Variants in NLRC3 observed in about 807,000 individuals in gnomAD.
NLRC3 encodes the protein NLR family CARD domain containing 3, also known as NLR family CARD domain-containing protein 3.
A neutral mutation model predicts 91.6 loss-of-function variants in NLRC3; 87 were observed. The ratio of observed to expected loss-of-function variants is 0.95; its 90% CI spans 0.80 to 1.14. The LOEUF is 1.14. NLRC3 is among the 50% of genes most tolerant of loss of function. The probability of loss-of-function intolerance (pLI) is 0.00; values close to 1 mark genes in which losing one functional copy is unlikely to be tolerated. For synonymous variants in NLRC3, 694 were observed against 625.3 expected (o/e 1.11, Z -1.64); for missense variants, 1,577 against 1,418.6 (o/e 1.11, Z -1.79).
intron 9 of NLRC3, 75 bp from the exon 10 acceptor site, chr16:3,552,354 A>G: frequency 2.9e-6 from 3 of 1,030,804 alleles, no homozygotes; most frequent in Non-Finnish European, 4.6e-6. Flanking sequence ...GTTCAGGTTC[A>G]AGGTCAGGGA....
At chr16:3,566,072 T>C (rs897783278) in intron 2 of NLRC3, among the ~76,000 whole-genome samples, 2 of 115,348 alleles carry the variant, frequency 1.7e-5, no homozygotes, top group Admixed American at 1.0e-4. Context: ...AAAACTTAAC[T>C]CTTCTTGCTC....
chr16:3,558,734 CA>C (rs2039471177), intron 6 of NLRC3, among the ~76,000 whole-genome samples: 1 of 152,102 alleles, frequency 6.6e-6, no homozygotes, highest in African/African-American at 2.4e-5. Context: ...CATTCAGCCC[CA>C]TGGGATATAG....
At chr16:3,554,756 C>G (rs1393664424) in intron 8 of NLRC3, among the ~76,000 whole-genome samples, 1 of 152,188 alleles carries the variant, frequency 6.6e-6, no homozygotes, top group Non-Finnish European at 1.5e-5. Flanking sequence ...CCCAGCAATT[C>G]CATTCCTAGG....
chr16:3,540,331 C>A lies in NLRC3; in HGVS notation c.*1494G>T, dbSNP rs985225749. 1.3e-5 allele frequency: 2 copies of A among 152,296 alleles called. No homozygotes were observed. The highest frequency in any genetic ancestry group is 3.9e-4 in the East Asian group (2 of 5,186). 9.4% of individuals were successfully genotyped at this position (152,296 alleles called of 1,614,324 possible). ...CTTTCCAATTCAAAAGTAATCATTG[C>A]TTTATAGTCTTCATAAATATTTTCT... On this transcript the variant is annotated 3_prime_UTR_variant, in exon 20 of 20. Transcript: ENST00000359128.
chr16:3,542,390 G>T, intron 18 of NLRC3, 116 bp from the exon 19 acceptor site: 1 of 717,958 alleles, frequency 1.4e-6, no homozygotes, highest in South Asian at 1.6e-5. Context: ...GTCCACAGGT[G>T]CCATGGCAAC....
Position 3,564,270 on chromosome 16 carries a change from C to T in NLRC3, c.667G>A (p.Glu223Lys). ...RALLILDGLD[E>K]CRTPLDFSNT... ...GAGAAGTCCAGAGGCGTCCTGCACT[C>T]ATCCAAGCCGTCCAGGATCAGGAGG... Residue 223 changes from glutamate (E) to lysine (K), a missense_variant, in exon 5 of 20, where the codon GAG (glutamate) becomes AAG (lysine). Transcript: ENST00000359128. This position sits in a 1 kb window ranked among gnomAD's most constrained non-coding sequence, Gnocchi z 5.9. The T allele has an allele frequency of 6.2e-7, 1 of 1,612,270 alleles. No homozygotes were observed. The highest frequency in any genetic ancestry group is 2.2e-5 in the East Asian group (1 of 44,856).
Position 3,564,158 on chromosome 16 carries a change from TC to T in NLRC3, c.778del (p.Glu260LysfsTer24). 1 of 1,613,660 alleles carries T rather than the reference TC, an allele frequency of 6.2e-7. No individual in the cohort carries two copies. Among genetic ancestry groups the T allele is most frequent in the East Asian group, 2.2e-5 (1 of 44,878 alleles). On this transcript the variant is annotated frameshift_variant, in exon 5 of 20. Transcript: ENST00000359128. LOFTEE classifies it high-confidence loss of function. This position sits in a 1 kb window ranked among gnomAD's most constrained non-coding sequence, Gnocchi z 5.9. ...ACGGGAGGTGATCCAGATGGAAACT[TC>T]CGGAAAGAGGTTGCCACGGATGATG... The part of the protein sequence containing the change: ...TNIIRGNLFP[E>X]VSIWITSRPS...
At position 3,563,223 on chromosome 16, in the gene NLRC3, G is replaced by T; in HGVS notation, c.1714C>A (p.His572Asn). The T allele has an allele frequency of 6.2e-7, 1 of 1,602,896 alleles. No homozygotes were observed. Among genetic ancestry groups the T allele is most frequent in the Middle Eastern group, 1.7e-4 (1 of 5,732 alleles). Residue 572 changes from histidine to asparagine, a missense_variant, in exon 5 of 20, where the codon CAT becomes AAT. Coordinates refer to ENST00000359128, the MANE Select transcript of NLRC3 (RefSeq NM_178844.4). The stretch of plus-strand genomic sequence containing the variant: ...GCCAGCTCGGTGTGCTGCAGCTCAT[G>T]CAGGCAGTGCAACACGTTGATGGCC... ...ARAINVLHCL[H>N]ELQHTELARS...
At chr16:3,545,778 T>C (rs1197905679) in intron 15 of NLRC3, 1 of 151,990 alleles carries the variant, frequency 6.6e-6, no homozygotes, top group Admixed American at 6.5e-5. Flanking sequence ...CCCAAACGAA[T>C]TGAATTCCTG....
rs768462931 is a variant in NLRC3 at position 3,543,476 on chromosome 16, G to A, written c.2888C>T (p.Ala963Val). The A allele has an allele frequency of 1.2e-6, 2 of 1,613,184 alleles. No individual in the cohort carries two copies. Among genetic ancestry groups the A allele is most frequent in the South Asian group, 1.1e-5 (1 of 90,916 alleles). The change falls in exon 17 of 20, where the codon GCC (alanine) becomes GTC (valine). Residue 963 changes from alanine to valine, a missense_variant. Ala to Val is a moderately conservative substitution (Grantham distance 64). Coordinates refer to ENST00000359128, the MANE Select transcript of NLRC3 (RefSeq NM_178844.4). Reference sequence around the variant, plus strand: ...AGCCAAGGCTTCCCCTAGCACCTGGGCGCCTGAAGCACCAATTGAGGCCAC... The same window carrying A: ...AGCCAAGGCTTCCCCTAGCACCTGGACGCCTGAAGCACCAATTGAGGCCAC... Reference protein sequence around the residue: ...LQVASIGASGAQVLGEALAVN... With the variant: ...LQVASIGASGVQVLGEALAVN...
At chr16:3,557,067 G>T in intron 7 of NLRC3, 73 bp from the exon 8 acceptor site, 2 of 1,068,368 alleles carry the variant, frequency 1.9e-6, no homozygotes, top group Non-Finnish European at 2.9e-6. Context: ...AAACTGCATT[G>T]ACCTTGAAAT....
At chr16:3,543,148 G>C (rs2038495892) in intron 17 of NLRC3, 1 of 494,500 alleles carries the variant, frequency 2.0e-6, no homozygotes, top group Non-Finnish European at 3.7e-6. Context: ...CCAGGACTTT[G>C]GATCTGCCCA....
At chr16:3,542,108 A>T (rs556203053) in intron 19 of NLRC3, 83 bp downstream of exon 19, 2 of 1,024,498 alleles carry the variant, frequency 2.0e-6, no homozygotes, top group African/African-American at 1.6e-5. Context: ...TCTGGGGGTC[A>T]GCTGGCTCTC....
intron 16 of NLRC3, 101 bp from the exon 17 acceptor site, chr16:3,543,609 AG>A: frequency 1.3e-6 from 1 of 789,832 alleles, no homozygotes; most frequent in Non-Finnish European, 2.1e-6. Flanking sequence ...TGGAAAGTGG[AG>A]AAACAGCACT....
intron 15 of NLRC3, 165 bp from the exon 16 acceptor site, chr16:3,544,494 C>T (rs541316581): frequency 8.2e-6 from 5 of 610,702 alleles, no homozygotes; most frequent in African/African-American, 3.7e-5. Context: ...TGCAGCCCGC[C>T]GCCTCATACT....
At chr16:3,557,722 C>A (rs377521809) in intron 6 of NLRC3, 46 bp from the exon 7 acceptor site, 1 of 1,180,298 alleles carries the variant, frequency 8.5e-7, no homozygotes, top group African/African-American at 1.5e-5. Flanking sequence ...GCATGCACAT[C>A]TCATGGCCTC....
At chr16:3,547,868 C>T (rs1369569805) in intron 15 of NLRC3, among the ~76,000 whole-genome samples, 1 of 152,146 alleles carries the variant, frequency 6.6e-6, no homozygotes, top group Non-Finnish European at 1.5e-5. Flanking sequence ...GGGATTTCGC[C>T]ATGTTGGCCA....
chr16:3,569,397 A>AGATATATATATATATATATATAT (rs2040013423), intron 1 of NLRC3, among the ~76,000 whole-genome samples: 1 of 41,060 alleles, frequency 2.4e-5, no homozygotes, highest in African/African-American at 1.2e-4. Flanking sequence ...TATATATATT[A>AGATATATATATATATATATATAT]TTTTTTTTTT....
At chr16:3,542,905 G>A in intron 17 of NLRC3, 130 bp from the exon 18 acceptor site, 2 of 635,956 alleles carry the variant, frequency 3.1e-6, no homozygotes, top group South Asian at 3.7e-5. Flanking sequence ...GGCCAGGGCT[G>A]TGCCTTCCTC....
Sources: allele counts gnomAD v4.1 joint callset (sites outside exome capture counted in the v4.1 genomes callset), GRCh38; gene constraint gnomAD v4.1.1; non-coding constraint Gnocchi (gnomAD v3.1); transcripts MANE v1.5; gene names NCBI Gene and HGNC (gene_info 2026-07-23, HGNC 2026-07-21).